MIA2: variants seen among roughly 807,000 people sequenced by gnomAD.
The protein encoded by MIA2 is melanoma inhibitory activity protein 2.
MIA2 carries 127 observed loss-of-function variants against 167.8 expected under a neutral mutation model. The observed-to-expected ratio is 0.76, with a 90% CI of 0.66 to 0.88. The LOEUF is 0.88. Among genes scored for constraint, MIA2 ranks in the 40% least tolerant of loss-of-function variants. The probability of loss-of-function intolerance (pLI) is 0.00; values close to 1 mark genes in which losing one functional copy is unlikely to be tolerated. For synonymous variants in MIA2, 552 were observed against 541.9 expected (o/e 1.02, Z -0.26); for missense variants, 1,690 against 1,624.7 (o/e 1.04, Z -0.69).
At chr14:39,294,696 A>G (rs1489971345) in intron 12 of MIA2, among the ~76,000 whole-genome samples, 1 of 152,204 alleles carries the variant, frequency 6.6e-6, no homozygotes, top group Non-Finnish European at 1.5e-5. Flanking sequence ...CACAGTACAT[A>G]GAAAGTTACA....
At chr14:39,315,093 G>C (rs1369309181) in intron 20 of MIA2, 4 of 213,586 alleles carry the variant, frequency 1.9e-5, no homozygotes, top group Non-Finnish European at 3.4e-5. Flanking sequence ...GACCAGCCTG[G>C]ATAACATGGC....
At chr14:39,336,151 CTGTTT>C (rs1485138884) in intron 25 of MIA2, among the ~76,000 whole-genome samples, 2 of 152,176 alleles carry the variant, frequency 1.3e-5, no homozygotes, top group Non-Finnish European at 2.9e-5. Context: ...AATGGTAGTT[CTGTTT>C]TAAGTTCTTT....
chr14:39,266,209 T>A (rs1219263254), intron 6 of MIA2: 1 of 985,308 alleles, frequency 1.0e-6, no homozygotes. Context: ...ACCAAAGTAC[T>A]TGAGTGAGAA....
intron 9 of MIA2, among the ~76,000 whole-genome samples, chr14:39,281,622 T>G (rs1309346520): frequency 2.0e-5 from 3 of 149,976 alleles, no homozygotes; most frequent in African/African-American, 7.3e-5. Context: ...TGTTTTGGTT[T>G]TTTTTTTTTT....
chr14:39,341,799 A>T (rs575756123), intron 25 of MIA2, among the ~76,000 whole-genome samples: 1 of 152,344 alleles, frequency 6.6e-6, no homozygotes, highest in African/African-American at 2.4e-5. Flanking sequence ...AAAGCAGTCA[A>T]TACTATATTT....
intron 9 of MIA2, among the ~76,000 whole-genome samples, chr14:39,289,301 G>A (rs2060398693): frequency 6.6e-6 from 1 of 151,364 alleles, no homozygotes; most frequent in Middle Eastern, 3.2e-3. Context: ...TGCAACTTCC[G>A]CCTCATGGGC....
At chr14:39,359,692 C>G (rs1292114735) in intron 23 of MIA2, among the ~76,000 whole-genome samples, 1 of 152,118 alleles carries the variant, frequency 6.6e-6, no homozygotes. Context: ...CTATCTTGCC[C>G]CAGCCCCCTA....
chr14:39,286,561 A>G (rs1007071377), intron 9 of MIA2, among the ~76,000 whole-genome samples: 2 of 152,152 alleles, frequency 1.3e-5, no homozygotes, highest in Non-Finnish European at 2.9e-5. Flanking sequence ...TACTGAATTC[A>G]GTTATTATAT....
intron 25 of MIA2, among the ~76,000 whole-genome samples, chr14:39,335,197 C>G (rs938449156): frequency 2.0e-5 from 3 of 152,224 alleles, no homozygotes; most frequent in African/African-American, 7.2e-5. Flanking sequence ...AAGAGTCCTT[C>G]TCACTAATAA....
chr14:39,331,106 G>A (rs1240736121), intron 25 of MIA2, among the ~76,000 whole-genome samples: 2 of 152,020 alleles, frequency 1.3e-5, no homozygotes, highest in Non-Finnish European at 2.9e-5. Context: ...CTCTTTGTAG[G>A]TCTCTAAGAA....
Position 39,297,072 on chromosome 14 carries a change from C to T in MIA2, c.2496+2043C>T, listed in dbSNP as rs368258151. 2.9e-4 allele frequency among the ~76,000 whole-genome samples: 43 copies of T among 148,694 alleles called. No individual in the cohort carries two copies. The East Asian group carries it at 3.4e-3, about 12-fold the overall frequency. On this transcript the variant is annotated intron_variant, in intron 13 of 28. Transcript: ENST00000640607. ...GATTACAAGCGCGAGCCACCACGCCCGGCTATTGGTGGGCTTTTCTATAGG... is the reference window on the plus strand; with the variant it reads ...GATTACAAGCGCGAGCCACCACGCCTGGCTATTGGTGGGCTTTTCTATAGG...
At chr14:39,352,538 G>A (rs1009151783), downstream of MIA2, among the ~76,000 whole-genome samples, 3 of 151,910 alleles carry the variant, frequency 2.0e-5, no homozygotes, top group African/African-American at 7.2e-5. Flanking sequence ...AGAATTTGGA[G>A]TATAGTCACC....
At chr14:39,235,235 T>C (rs1566578727) in intron 1 of MIA2, among the ~76,000 whole-genome samples, 1 of 152,062 alleles carries the variant, frequency 6.6e-6, no homozygotes. Context: ...GGGATTTCAC[T>C]GTGTTGCCCA....
At chr14:39,308,921 T>C (rs147621754) in intron 18 of MIA2, among the ~76,000 whole-genome samples, 1 of 152,314 alleles carries the variant, frequency 6.6e-6, no homozygotes, top group African/African-American at 2.4e-5. Flanking sequence ...ATCTCTGATA[T>C]ATGTAAAACT....
chr14:39,386,655 G>C, intron 23 of MIA2: 1 of 1,058,002 alleles, frequency 9.5e-7, no homozygotes, highest in Non-Finnish European at 1.4e-6. Flanking sequence ...GACAGCTTTT[G>C]GTTCCAGATC....
At chr14:39,290,770 G>A (rs2060630527) in intron 9 of MIA2, among the ~76,000 whole-genome samples, 1 of 152,172 alleles carries the variant, frequency 6.6e-6, no homozygotes, top group Non-Finnish European at 1.5e-5. Flanking sequence ...TATGTTCTCT[G>A]AGAAGCAGAC....
chr14:39,261,330 T>A (rs1484162317), intron 6 of MIA2, among the ~76,000 whole-genome samples: 13 of 152,216 alleles, frequency 8.5e-5, no homozygotes, highest in Admixed American at 2.6e-4. Flanking sequence ...CATCCTTTTT[T>A]ATGGCTGCAT....
At chr14:39,320,847 T>C (rs565626753) in intron 23 of MIA2, 81 bp from the exon 24 acceptor site, 8 of 1,456,964 alleles carry the variant, frequency 5.5e-6, no homozygotes, top group Middle Eastern at 2.0e-4. Context: ...GACCTGATGG[T>C]AATTGTCGAA....
In MIA2 at chr14:39,350,580, T is replaced by G. The variant is rs747141247; in HGVS notation, c.*316T>G. The G allele has an allele frequency of 2.2e-5, 5 of 231,022 alleles. No individual in the cohort carries two copies. The highest frequency in any genetic ancestry group is 4.1e-5 in the Non-Finnish European group (5 of 120,738). The allele number at this position is 231,022 out of a possible 1,614,324, so 14.3% of individuals were successfully genotyped here. A position where few individuals can be genotyped will look rare whatever the true frequency, so the allele number is the denominator to read the frequency against. Reference sequence around the variant, plus strand: ...AAGTCTGTGTCTTTATGCCAAGAACTGTATTTACTGTGGTTGTGGACAAAT... The same window carrying G: ...AAGTCTGTGTCTTTATGCCAAGAACGGTATTTACTGTGGTTGTGGACAAAT... On this transcript the variant is annotated 3_prime_UTR_variant, in exon 29 of 29. Transcript: ENST00000640607.
Sources: gnomAD v4.1 joint callset for allele counts (sites outside exome capture counted in the v4.1 genomes callset) on GRCh38, gnomAD v4.1.1 for gene constraint, MANE v1.5 for transcripts, NCBI Gene and HGNC (gene_info 2026-07-23, HGNC 2026-07-21) for gene names.